Variants in ESRRB observed in about 807,000 individuals in gnomAD.
ESRRB encodes steroid hormone receptor ERR2.
A neutral mutation model predicts 46.0 loss-of-function variants in ESRRB; 16 were observed. The observed-to-expected ratio is 0.35, with a 90% CI of 0.24 to 0.53. ESRRB has a LOEUF of 0.53. Ranked by LOEUF, ESRRB falls within the 20% of genes least tolerant of loss-of-function variation. The probability of loss-of-function intolerance (pLI) is 0.93; values close to 1 mark genes in which losing one functional copy is unlikely to be tolerated. For synonymous variants in ESRRB, 246 were observed against 259.6 expected (o/e 0.95, Z 0.50); for missense variants, 488 against 607.4 (o/e 0.80, Z 2.07).
chr14:76,352,903 C>T (rs143882864), intron 1 of ESRRB, among the ~76,000 whole-genome samples: 5,684 of 152,294 alleles, frequency 0.037, 157 homozygotes, highest in Non-Finnish European at 0.052. Context: ...GTTCCCACCG[C>T]GCGCCCCTCG....
rs1555399437 is a variant in ESRRB at position 76,456,038 on chromosome 14, G to GCGCA, written c.461-6506_461-6505insGCAC. Among the ~76,000 whole-genome samples the GCGCA allele has an allele frequency of 6.9e-3, 942 of 137,288 alleles. 11 individuals carry two copies. Among genetic ancestry groups the GCGCA allele is most frequent in the African/African-American group, 0.024 (893 of 37,078 alleles). 90.1% of individuals were successfully genotyped at this position (137,288 alleles called of 152,430 possible). On this transcript the variant is annotated intron_variant, in intron 2 of 6. Coordinates refer to ENST00000644823, the MANE Select transcript of ESRRB (RefSeq NM_001379180.1). ...AGCCTGGGCAACAAGAGCGAAACTC[G>GCGCA]CACACACACACACACACACACACAC... is the stretch of plus-strand genomic sequence containing the variant.
intron 1 of ESRRB, among the ~76,000 whole-genome samples, chr14:76,428,217 C>T (rs898362606): frequency 1.3e-5 from 2 of 152,014 alleles, no homozygotes; most frequent in South Asian, 2.1e-4. Context: ...AGGCTGGTCT[C>T]GAACTCCCGA....
intron 1 of ESRRB, among the ~76,000 whole-genome samples, chr14:76,404,196 G>A (rs868315136): frequency 1.5e-4 from 23 of 152,162 alleles, no homozygotes; most frequent in East Asian, 9.7e-4. Context: ...GTGTGTGCGC[G>A]CGTGCGTGTG....
At chr14:76,344,986 C>T (rs913977193) in intron 1 of ESRRB, among the ~76,000 whole-genome samples, 1 of 152,076 alleles carries the variant, frequency 6.6e-6, no homozygotes, top group African/African-American at 2.4e-5. Context: ...GATTGATGGG[C>T]ATTTGGGTTG....
chr14:76,401,488 A>G (rs568088565), intron 1 of ESRRB, among the ~76,000 whole-genome samples: 1 of 152,354 alleles, frequency 6.6e-6, no homozygotes, highest in Admixed American at 6.5e-5. Context: ...CGCCAAAGAA[A>G]CAGAACCAAT....
At chr14:76,348,371 A>G (rs2360998) in intron 1 of ESRRB, among the ~76,000 whole-genome samples, 12,346 of 152,236 alleles carry the variant, frequency 0.081, 660 homozygotes, top group Middle Eastern at 0.14. Context: ...AGGTTTTCCA[A>G]CGTGAATATT....
At chr14:76,445,935 C>A (rs1888126626) in intron 2 of ESRRB, among the ~76,000 whole-genome samples, 1 of 152,208 alleles carries the variant, frequency 6.6e-6, no homozygotes, top group Non-Finnish European at 1.5e-5. Flanking sequence ...ATCCACCCAC[C>A]TCAGCCTCCC....
upstream of ESRRB, among the ~76,000 whole-genome samples, chr14:76,371,905 G>T (rs987361757): frequency 2.9e-4 from 44 of 152,162 alleles, no homozygotes; most frequent in African/African-American, 1.1e-3. Flanking sequence ...ATATGGCAGG[G>T]AGGGGATTTG....
At chr14:76,411,525 G>A (rs911446235) in intron 1 of ESRRB, among the ~76,000 whole-genome samples, 1 of 152,110 alleles carries the variant, frequency 6.6e-6, no homozygotes, top group Non-Finnish European at 1.5e-5. Context: ...CTTTATGAGA[G>A]TGAGGGGTGG....
At chr14:76,359,365 C>T (rs746621594) in intron 1 of ESRRB, among the ~76,000 whole-genome samples, 4 of 152,210 alleles carry the variant, frequency 2.6e-5, no homozygotes, top group Non-Finnish European at 5.9e-5. Flanking sequence ...TATCTTTAAA[C>T]ACAAGTGACT....
At chr14:76,439,831 A>G in intron 2 of ESRRB, 81 bp downstream of exon 2, 1 of 1,491,464 alleles carries the variant, frequency 6.7e-7, no homozygotes, top group South Asian at 1.2e-5. Context: ...AGCCCTAGGA[A>G]TTCCCAGAGA....
At chr14:76,373,213 G>T (rs1364640926), upstream of ESRRB, among the ~76,000 whole-genome samples, 1 of 152,182 alleles carries the variant, frequency 6.6e-6, no homozygotes, top group Non-Finnish European at 1.5e-5. Context: ...TAGTGAAGGG[G>T]TGGCTTAGAG....
chr14:76,451,748 C>T (rs1888388179), intron 2 of ESRRB, among the ~76,000 whole-genome samples: 1 of 151,186 alleles, frequency 6.6e-6, no homozygotes, highest in South Asian at 2.1e-4. Context: ...TCAGCCTGCC[C>T]AGCAGCTGGG....
Position 76,500,376 on chromosome 14 carries a change from C to T in ESRRB, c.*1918C>T, listed in dbSNP as rs1015098089. 1 of 584,876 alleles carries T rather than the reference C, an allele frequency of 1.7e-6. No individual in the cohort carries two copies. The highest frequency in any genetic ancestry group is 3.0e-6 in the Non-Finnish European group (1 of 329,112). 36.2% of individuals were successfully genotyped at this position (584,876 alleles called of 1,614,324 possible). On this transcript the variant is annotated 3_prime_UTR_variant, in exon 7 of 7. Coordinates refer to ENST00000644823, the MANE Select transcript of ESRRB (RefSeq NM_001379180.1). Reference sequence around the variant, plus strand: ...TTACCCAGGATGCTGCGGCCCTAGCCCTCCATGCAGCCCATCTTCCCTCAT... The same window carrying T: ...TTACCCAGGATGCTGCGGCCCTAGCTCTCCATGCAGCCCATCTTCCCTCAT...
intron 1 of ESRRB, among the ~76,000 whole-genome samples, chr14:76,398,457 C>T (rs879921344): frequency 9.2e-5 from 14 of 152,190 alleles, no homozygotes; most frequent in Non-Finnish European, 1.3e-4. Context: ...CATCAGAGTT[C>T]AAAGGCAGCT....
intron 1 of ESRRB, among the ~76,000 whole-genome samples, chr14:76,406,992 G>A (rs988714535): frequency 1.3e-5 from 2 of 152,234 alleles, no homozygotes; most frequent in African/African-American, 2.4e-5. Flanking sequence ...CAATAAATGC[G>A]TGGTTGTTGG....
At chr14:76,476,346 TG>T (rs1346045732) in intron 3 of ESRRB, among the ~76,000 whole-genome samples, 1 of 152,234 alleles carries the variant, frequency 6.6e-6, no homozygotes, top group Non-Finnish European at 1.5e-5. Context: ...GCATTATTAA[TG>T]CTTTTTTGCA....
chr14:76,376,609 G>A lies in ESRRB; in HGVS notation c.50+158G>A, dbSNP rs1048474058. On this transcript the variant is annotated intron_variant, in intron 1 of 6. Transcript: ENST00000644823. The surrounding 1 kb of genome is among the most constrained non-coding windows in gnomAD (Gnocchi z 4.1). ...AGGAGGGGAAAAGCCGCACACTTCTGGGTTTCTTTCTAGGGCATAAACCCT... is the reference window on the plus strand; with the variant it reads ...AGGAGGGGAAAAGCCGCACACTTCTAGGTTTCTTTCTAGGGCATAAACCCT... Among the ~76,000 whole-genome samples the A allele has an allele frequency of 3.3e-5, 5 of 152,164 alleles. No individual in the cohort carries two copies. The highest frequency in any genetic ancestry group is 1.2e-4 in the African/African-American group (5 of 41,434).
At chr14:76,486,048 G>C (rs138343618) in intron 5 of ESRRB, among the ~76,000 whole-genome samples, 23 of 152,184 alleles carry the variant, frequency 1.5e-4, no homozygotes, top group Non-Finnish European at 2.9e-4. Flanking sequence ...GTCTGACATT[G>C]TCCTACCCCA....
Sources: gnomAD v4.1 joint callset for allele counts (sites outside exome capture counted in the v4.1 genomes callset) on GRCh38, gnomAD v4.1.1 for gene constraint, Gnocchi (gnomAD v3.1) non-coding constraint, MANE v1.5 for transcripts, NCBI Gene and HGNC (gene_info 2026-07-23, HGNC 2026-07-21) for gene names.